Variants in PLOD3 observed in about 807,000 individuals in gnomAD.
PLOD3 encodes multifunctional procollagen lysine hydroxylase and glycosyltransferase LH3.
In PLOD3, 73 loss-of-function variants were observed where a neutral mutation model predicts 96.9. The observed-to-expected ratio is 0.75, with a 90% confidence interval of 0.62 to 0.92. The LOEUF is 0.92. Among genes scored for constraint, PLOD3 ranks in the 40% least tolerant of loss-of-function variants. PLOD3 has a pLI of 0.00. For synonymous variants in PLOD3, 454 were observed against 413.7 expected (o/e 1.10, Z -1.18); for missense variants, 1,004 against 1,004.3 (o/e 1.00, Z 0.00).
chr7:101,210,128 T>C lies in PLOD3; in HGVS notation c.1648A>G (p.Ser550Gly). ...ATTCCTTCCCCTTCCAGGGCCCGGC[T>C]GTAGTTCTCGTGGATGTACTGCTCC... Reference protein sequence around the residue: ...WKEQYIHENYSRALEGEGIVE... With the variant: ...WKEQYIHENYGRALEGEGIVE... The change falls in exon 15 of 19, where the codon AGC becomes GGC. Residue 550 changes from serine (S) to glycine (G), a missense_variant. By Grantham distance (56) the Ser-to-Gly change is moderately conservative (BLOSUM62 0). Coordinates refer to ENST00000223127, the MANE Select transcript of PLOD3 (RefSeq NM_001084.5). 6.2e-7 allele frequency: 1 copy of C among 1,607,478 alleles called. No individual in the cohort carries two copies. The highest frequency in any genetic ancestry group is 1.1e-5 in the South Asian group (1 of 89,796).
chr7:101,212,201 C>A, intron 10 of PLOD3, 52 bp downstream of exon 10: 1 of 1,604,228 alleles, frequency 6.2e-7, no homozygotes, highest in Non-Finnish European at 8.5e-7. Context: ...TGGCAGCACC[C>A]CTGACCCTAC....
chr7:101,207,004 A>G, intron 17 of PLOD3, 100 bp from the exon 18 acceptor site: 1 of 1,390,410 alleles, frequency 7.2e-7, no homozygotes, highest in South Asian at 1.3e-5. Context: ...TCGCTCTGTC[A>G]CTCAGGCTGG....
intron 18 of PLOD3, 70 bp downstream of exon 18, chr7:101,206,709 G>T: frequency 6.6e-7 from 1 of 1,511,988 alleles, no homozygotes; most frequent in Non-Finnish European, 9.0e-7. Flanking sequence ...GGGGATGCAC[G>T]CAGGGGCTCT....
At chr7:101,212,978 C>A in intron 7 of PLOD3, 35 bp from the exon 8 acceptor site, 2 of 1,525,740 alleles carry the variant, frequency 1.3e-6, no homozygotes, top group Non-Finnish European at 1.8e-6. Context: ...GTGGCTGAGG[C>A]CTCCAGGGGT....
At position 101,206,996 on chromosome 7, in the gene PLOD3, G is replaced by A. The variant is rs535343294; in HGVS notation, c.1936-92C>T. On this transcript the variant is annotated intron_variant, in intron 17 of 18. Coordinates refer to ENST00000223127, the MANE Select transcript of PLOD3 (RefSeq NM_001084.5). ...ATTATTATTCTTTTGAGATAGTCTC[G>A]CTCTGTCACTCAGGCTGGAGTGCAG... The A allele has an allele frequency of 5.8e-5, 82 of 1,415,650 alleles. No homozygotes were observed. In the South Asian group the frequency reaches 8.7e-4, roughly 15 times the overall value. 87.7% of individuals were successfully genotyped at this position (1,415,650 alleles called of 1,614,324 possible).
At chr7:101,213,929 C>T (rs1798229123) in intron 6 of PLOD3, among the ~76,000 whole-genome samples, 1 of 152,014 alleles carries the variant, frequency 6.6e-6, no homozygotes, top group African/African-American at 2.4e-5. Flanking sequence ...GAACTCCTGA[C>T]CTCAGGTGAT....
rs567989667 is a variant in PLOD3 at position 101,212,130 on chromosome 7, G to A, written c.1127+123C>T. The A allele has an allele frequency of 7.7e-5, 102 of 1,330,458 alleles. 1 individual carries two copies. The South Asian group carries it at 1.0e-3, about 13-fold the overall frequency. The allele number at this position is 1,330,458 out of a possible 1,614,324, so 82.4% of individuals were successfully genotyped here. On this transcript the variant is annotated intron_variant, in intron 10 of 18. Coordinates refer to ENST00000223127, the MANE Select transcript of PLOD3 (RefSeq NM_001084.5). The stretch of plus-strand genomic sequence containing the variant: ...GACAGCATGGGGGCTGCAAGGATGC[G>A]AATGGGGAGGCCCAGGAGGGGCTGG...
rs763197529 is a variant in PLOD3, at chr7:101,210,173, TG to T, written c.1615-13del. 8.1e-6 allele frequency: 13 copies of T among 1,597,172 alleles called. No homozygotes were observed. The East Asian group carries it at 2.5e-4, about 30-fold the overall frequency. On this transcript the variant is annotated splice_polypyrimidine_tract_variant and intron_variant, in intron 14 of 18. Transcript: ENST00000223127. ...TGCTCCTTCCAGTCCTGTGAGAGGG[TG>T]GGGGGCACATCAGATCTGTGCCCCC...
Position 101,212,272 on chromosome 7 carries a change from C to T in PLOD3, c.1108G>A (p.Glu370Lys), listed in dbSNP as rs772269466. ...VGPEEALSPGEARDMAMDLCR... is the reference protein window; with the variant it reads ...VGPEEALSPGKARDMAMDLCR... ...GCTCACATGGCCATGTCCCTGGCCT[C>T]GCCTGGGCTCAGAGCCTCCTCCGGC... is the stretch of plus-strand genomic sequence containing the variant. The change falls in exon 10 of 19, where the codon GAG becomes AAG. Residue 370 changes from glutamate (E) to lysine (K), a missense_variant. By Grantham distance (56) the Glu-to-Lys change is moderately conservative. Around this residue, in one of 5 missense-constraint regions of PLOD3, gnomAD observed 690 missense variants for 650.2 expected, o/e 1.06. Coordinates refer to ENST00000223127, the MANE Select transcript of PLOD3 (RefSeq NM_001084.5). The T allele has an allele frequency of 5.6e-6, 9 of 1,613,204 alleles. No homozygotes were observed. The highest frequency in any genetic ancestry group is 1.7e-5 in the Admixed American group (1 of 59,990).
At chr7:101,212,480 C>G (rs1395655481) in intron 9 of PLOD3, 50 bp downstream of exon 9, 1 of 1,605,464 alleles carries the variant, frequency 6.2e-7, no homozygotes, top group East Asian at 2.2e-5. Flanking sequence ...GAGTTCTGAT[C>G]AGGGCAGGGA....
intron 8 of PLOD3, 77 bp downstream of exon 8, chr7:101,212,764 GC>G: frequency 3.9e-6 from 6 of 1,523,628 alleles, no homozygotes; most frequent in South Asian, 1.1e-5. Context: ...TGCCCCCACC[GC>G]CCCCCAGTCC....
At chr7:101,208,388 C>G (rs1208531416) in intron 16 of PLOD3, among the ~76,000 whole-genome samples, 2 of 152,132 alleles carry the variant, frequency 1.3e-5, no homozygotes, top group African/African-American at 4.8e-5. Context: ...ACTACAGGCG[C>G]CCGCCACCAT....
chr7:101,207,507 C>T, intron 17 of PLOD3, 71 bp downstream of exon 17: 1 of 1,516,052 alleles, frequency 6.6e-7, no homozygotes, highest in Non-Finnish European at 9.1e-7. Context: ...CGAAAGGGGT[C>T]TGCGTGGAGA....
chr7:101,210,634 C>G lies in PLOD3; in HGVS notation c.1398G>C (p.Val466=). ...CCATCCGCAGGGTATCACCCCGGATCACATAGGCCTGGGAGATGTATGGTA... is the reference window on the plus strand; with the variant it reads ...CCATCCGCAGGGTATCACCCCGGATGACATAGGCCTGGGAGATGTATGGTA... ...WNVPYISQAY[V]IRGDTLRMEL... is the part of the protein sequence containing the mutation. Residue 466 remains valine, a synonymous_variant, in exon 13 of 19, where the codon GTG becomes GTC. Coordinates refer to ENST00000223127, the MANE Select transcript of PLOD3 (RefSeq NM_001084.5). 3 of 1,614,174 alleles carry G rather than the reference C, an allele frequency of 1.9e-6. No homozygotes were observed. Among genetic ancestry groups the G allele is most frequent in the Non-Finnish European group, 2.5e-6 (3 of 1,180,024 alleles).
chr7:101,211,261 C>A, intron 12 of PLOD3: 1 of 286,016 alleles, frequency 3.5e-6, no homozygotes, highest in Non-Finnish European at 6.7e-6. Context: ...CTCACTGCAG[C>A]CTCAACCTCC....
rs769241261 is a variant in PLOD3, at chr7:101,210,521, C to A, written c.1500+11G>T. On this transcript the variant is annotated intron_variant, in intron 13 of 18. Transcript: ENST00000223127. The stretch of plus-strand genomic sequence containing the variant: ...GACTGCCCCCAGGCCAGACCGTGCA[C>A]CCGCGCTCACCTTGTCTCGAAAGCT... The A allele has an allele frequency of 6.2e-7, 1 of 1,614,174 alleles. No individual in the cohort carries two copies. Among genetic ancestry groups the A allele is most frequent in the South Asian group, 1.1e-5 (1 of 91,084 alleles).
At position 101,215,105 on chromosome 7, in the gene PLOD3, G is replaced by A. The variant is rs774100055; in HGVS notation, c.663C>T (p.Asn221=). 6.2e-7 allele frequency: 1 copy of A among 1,613,228 alleles called. No homozygotes were observed. The change falls in exon 6 of 19, where the codon AAC becomes AAT. Residue 221 remains asparagine (N), a synonymous_variant. Transcript: ENST00000223127. ...CCTCCTCACCTAAAGCCCCGTTGAG[G>A]TTCTGAAAGATCCGAGACTTATGAT... ...NLDHKSRIFQ[N]LNGALDEVVL... is the part of the protein sequence containing the mutation.
At chr7:101,212,214 C>A (rs762114587) in intron 10 of PLOD3, 39 bp downstream of exon 10, 10 of 1,607,666 alleles carry the variant, frequency 6.2e-6, no homozygotes, top group Non-Finnish European at 8.5e-6. Flanking sequence ...GACCCTACAG[C>A]CTCATCCCAC....
intron 6 of PLOD3, chr7:101,213,628 T>A (rs115779102): frequency 0.012 from 2,391 of 199,896 alleles, 71 homozygotes; most frequent in African/African-American, 0.052. Flanking sequence ...AAGATTCTCT[T>A]GCCTCAGCCT....
Sources: allele counts gnomAD v4.1 joint callset (sites outside exome capture counted in the v4.1 genomes callset), GRCh38; gene constraint gnomAD v4.1.1; regional missense constraint gnomAD v4.1.1; transcripts MANE v1.5; gene names NCBI Gene and HGNC (gene_info 2026-07-23, HGNC 2026-07-21).